The following GTSE1 variants were observed in gnomAD, a reference collection of about 807,000 sequenced individuals.
GTSE1 encodes the protein G2 and S phase-expressed protein 1.
Under a neutral mutation model 60.5 loss-of-function variants are expected in GTSE1, and 52 were observed. The observed-to-expected ratio is 0.86, with a 90% CI of 0.69 to 1.08. The LOEUF is 1.08. Among genes scored for constraint, GTSE1 ranks in the 50% least tolerant of loss-of-function variants. GTSE1 has a pLI of 0.00. For synonymous variants in GTSE1, 368 were observed against 386.5 expected (o/e 0.95, Z 0.56); for missense variants, 937 against 961.8 (o/e 0.97, Z 0.34).
Position 46,321,774 on chromosome 22 carries a change from A to C in GTSE1, c.1433-1416A>C, listed in dbSNP as rs765500077. On this transcript the variant is annotated intron_variant, in intron 7 of 11. Coordinates refer to ENST00000454366, the MANE Select transcript of GTSE1 (RefSeq NM_016426.7). The surrounding 1 kb of genome is among the most constrained non-coding windows in gnomAD (Gnocchi z 4.0). ...TGCATGAGTCACTTTGATAGAGGTG[A>C]TTTTTAAAAGAATAGGAGAGGCTGG... is the stretch of plus-strand genomic sequence containing the variant. Among the ~76,000 whole-genome samples the C allele has an allele frequency of 4.0e-4, 61 of 152,210 alleles. 1 individual carries two copies. In the Middle Eastern group the frequency reaches 0.027, roughly 68 times the overall value.
intron 4 of GTSE1, among the ~76,000 whole-genome samples, chr22:46,311,403 C>A (rs1464005030): frequency 6.6e-6 from 1 of 152,060 alleles, no homozygotes; most frequent in Non-Finnish European, 1.5e-5. Context: ...TTTGGGACAC[C>A]ACTATATTTT....
In GTSE1 at chr22:46,316,668, T is replaced by TA. The variant is rs2077783015; in HGVS notation, c.1432+257dup. ...GCTTGTAAGGTTTTCTCTTTAGTGTTACTGTCGGGAATTTGATTATTATGT... is the reference window on the plus strand; with the variant it reads ...GCTTGTAAGGTTTTCTCTTTAGTGTTAACTGTCGGGAATTTGATTATTATGT... On this transcript the variant is annotated intron_variant, in intron 7 of 11. Coordinates refer to ENST00000454366, the MANE Select transcript of GTSE1 (RefSeq NM_016426.7). The surrounding 1 kb of genome is among the most constrained non-coding windows in gnomAD (Gnocchi z 5.0). Among the ~76,000 whole-genome samples, 1 of 152,180 alleles carries TA rather than the reference T, an allele frequency of 6.6e-6. No homozygotes were observed. Among genetic ancestry groups the TA allele is most frequent in the Non-Finnish European group, 1.5e-5 (1 of 68,036 alleles).
At chr22:46,298,734 C>T (rs2077672330) in intron 2 of GTSE1, among the ~76,000 whole-genome samples, 2 of 152,230 alleles carry the variant, frequency 1.3e-5, no homozygotes, top group African/African-American at 4.8e-5. Flanking sequence ...CATGTCCTTC[C>T]TTTCAAATAT....
rs1335831666 is a variant in GTSE1 at position 46,304,986 on chromosome 22, GA to G, written c.80-3159del. ...AGAGCGAGACCCTGTCTCAAAAAAA[GA>G]AAAAGGATTATTATGCTGATGTAAG... On this transcript the variant is annotated intron_variant, in intron 2 of 11. Coordinates refer to ENST00000454366, the MANE Select transcript of GTSE1 (RefSeq NM_016426.7). This position sits in a 1 kb window ranked among gnomAD's most constrained non-coding sequence, Gnocchi z 4.4. Among the ~76,000 whole-genome samples, 2 of 152,030 alleles carry G rather than the reference GA, an allele frequency of 1.3e-5. No individual in the cohort carries two copies. The highest frequency in any genetic ancestry group is 4.8e-5 in the African/African-American group (2 of 41,392).
chr22:46,327,262 T>G (rs1430142191), intron 9 of GTSE1: 1 of 151,944 alleles, frequency 6.6e-6, no homozygotes, highest in African/African-American at 2.4e-5. Context: ...CCAGAACACA[T>G]GAAGTAAGCC....
At position 46,310,095 on chromosome 22, in the gene GTSE1, G is replaced by A. The variant is rs139548565; in HGVS notation, c.762+1152G>A. ...CTGAGATGCACTCATGCACACGTGG[G>A]AGCCCCACCATGTCCTGCATGTTTC... On this transcript the variant is annotated intron_variant, in intron 4 of 11. Transcript: ENST00000454366. This position sits in a 1 kb window ranked among gnomAD's most constrained non-coding sequence, Gnocchi z 4.4. 2.0e-4 allele frequency among the ~76,000 whole-genome samples: 31 copies of A among 152,350 alleles called. No homozygotes were observed. The East Asian group carries it at 5.8e-3, about 28-fold the overall frequency.
Position 46,309,095 on chromosome 22 carries a change from A to G in GTSE1, c.762+152A>G. The stretch of plus-strand genomic sequence containing the variant: ...CGGAGTCCAGGAAAAGCAGTTGCCA[A>G]TAGGGAGCTGATGTGGGGGTGGCTT... On this transcript the variant is annotated intron_variant, in intron 4 of 11. Transcript: ENST00000454366. This position sits in a 1 kb window ranked among gnomAD's most constrained non-coding sequence, Gnocchi z 6.2. 1.2e-6 allele frequency: 1 copy of G among 843,998 alleles called. No individual in the cohort carries two copies. Among genetic ancestry groups the G allele is most frequent in the Non-Finnish European group, 1.8e-6 (1 of 560,418 alleles). The allele number at this position is 843,998 out of a possible 1,614,324, so 52.3% of individuals were successfully genotyped here. A position where few individuals can be genotyped will look rare whatever the true frequency, so the allele number is the denominator to read the frequency against.
At position 46,316,925 on chromosome 22, in the gene GTSE1, CTTTTTCTTATCT is replaced by C. The variant is rs1177507677; in HGVS notation, c.1432+522_1432+533del. Reference sequence around the variant, plus strand: ...TCTTTTTTTTATTTCAGCCTTTTTTCTTTTTCTTATCTTTTTTCTTTTCTTTCTTTCTTTTTT... The same window carrying C: ...TCTTTTTTTTATTTCAGCCTTTTTTCTTTTTCTTTTCTTTCTTTCTTTTTT... On this transcript the variant is annotated intron_variant, in intron 7 of 11. Coordinates refer to ENST00000454366, the MANE Select transcript of GTSE1 (RefSeq NM_016426.7). This position sits in a 1 kb window ranked among gnomAD's most constrained non-coding sequence, Gnocchi z 5.0. Among the ~76,000 whole-genome samples the C allele has an allele frequency of 6.6e-6, 1 of 151,658 alleles. No homozygotes were observed. The highest frequency in any genetic ancestry group is 1.9e-4 in the East Asian group (1 of 5,174).
chr22:46,319,425 C>T lies in GTSE1; in HGVS notation c.1432+3013C>T, dbSNP rs58718533. 2.2e-3 allele frequency among the ~76,000 whole-genome samples: 342 copies of T among 152,250 alleles called. 2 individuals are homozygous for T. The highest frequency in any genetic ancestry group is 8.0e-3 in the African/African-American group (331 of 41,548). ...GGCTGGAGCGCTGCGGTCTGCCTGA[C>T]GTTCTGGTAGCTTAGGGCTCATGTG... On this transcript the variant is annotated intron_variant, in intron 7 of 11. Coordinates refer to ENST00000454366, the MANE Select transcript of GTSE1 (RefSeq NM_016426.7). The surrounding 1 kb of genome is among the most constrained non-coding windows in gnomAD (Gnocchi z 5.0).
Position 46,329,157 on chromosome 22 carries a change from A to G in GTSE1, c.1927-201A>G. Reference sequence around the variant, plus strand: ...TGGCAGGAGCTGGTGGCTGCTGGTGAGCGGGTATGGACAGGGAGGTGGGCA... The same window carrying G: ...TGGCAGGAGCTGGTGGCTGCTGGTGGGCGGGTATGGACAGGGAGGTGGGCA... On this transcript the variant is annotated intron_variant, in intron 10 of 11. Coordinates refer to ENST00000454366, the MANE Select transcript of GTSE1 (RefSeq NM_016426.7). The surrounding 1 kb of genome is among the most constrained non-coding windows in gnomAD (Gnocchi z 6.4). 1 of 638,952 alleles carries G rather than the reference A, an allele frequency of 1.6e-6. No individual in the cohort carries two copies. The highest frequency in any genetic ancestry group is 2.8e-6 in the Non-Finnish European group (1 of 361,728). The allele number at this position is 638,952 out of a possible 1,614,324, so 39.6% of individuals were successfully genotyped here.
rs2077868820 is a variant in GTSE1, at chr22:46,330,252, G to A, written c.*122G>A. 19 of 661,986 alleles carry A rather than the reference G, an allele frequency of 2.9e-5. No homozygotes were observed. The South Asian group carries it at 3.1e-4, about 11-fold the overall frequency. 41.0% of individuals were successfully genotyped at this position (661,986 alleles called of 1,614,324 possible). The stretch of plus-strand genomic sequence containing the variant: ...ACCCTAGAACTTGGGAGGCTGAGGT[G>A]GGCGGATTACTTGAGCCCAGGAGTT... On this transcript the variant is annotated 3_prime_UTR_variant, in exon 12 of 12. Coordinates refer to ENST00000454366, the MANE Select transcript of GTSE1 (RefSeq NM_016426.7). The surrounding 1 kb of genome is among the most constrained non-coding windows in gnomAD (Gnocchi z 6.0).
rs1005231632 is a variant in GTSE1, at chr22:46,309,444, G to A, written c.762+501G>A. Among the ~76,000 whole-genome samples the A allele has an allele frequency of 2.6e-5, 4 of 152,148 alleles. No individual in the cohort carries two copies. Among genetic ancestry groups the A allele is most frequent in the East Asian group, 1.9e-4 (1 of 5,176 alleles). ...TGGGGGAAAGCTGGGTGTGAGCACA[G>A]GACTTGCTGCCAGGGCTGCCCGATC... On this transcript the variant is annotated intron_variant, in intron 4 of 11. Coordinates refer to ENST00000454366, the MANE Select transcript of GTSE1 (RefSeq NM_016426.7). This position sits in a 1 kb window ranked among gnomAD's most constrained non-coding sequence, Gnocchi z 6.2.
At position 46,297,609 on chromosome 22, in the gene GTSE1, C is replaced by T; in HGVS notation, c.79+130C>T. The T allele has an allele frequency of 1.5e-6, 1 of 656,054 alleles. No individual in the cohort carries two copies. Among genetic ancestry groups the T allele is most frequent in the Non-Finnish European group, 2.7e-6 (1 of 374,780 alleles). 40.6% of individuals were successfully genotyped at this position (656,054 alleles called of 1,614,324 possible). A position where few individuals can be genotyped will look rare whatever the true frequency, so the allele number is the denominator to read the frequency against. On this transcript the variant is annotated intron_variant, in intron 2 of 11. Transcript: ENST00000454366. The surrounding 1 kb of genome is among the most constrained non-coding windows in gnomAD (Gnocchi z 4.9). ...TACTCTGCACCTGTGAAACACATGACATCTGCCTTCGTTTTCTGGTTTTCT... is the reference window on the plus strand; with the variant it reads ...TACTCTGCACCTGTGAAACACATGATATCTGCCTTCGTTTTCTGGTTTTCT...
At position 46,320,020 on chromosome 22, in the gene GTSE1, C is replaced by G. The variant is rs950802299; in HGVS notation, c.1433-3170C>G. ...AAGAAAGAAAGAAAGAAAAGAAATG[C>G]GAGCTGTGATTGGGTGGGTTCTGCA... On this transcript the variant is annotated intron_variant, in intron 7 of 11. Coordinates refer to ENST00000454366, the MANE Select transcript of GTSE1 (RefSeq NM_016426.7). This position sits in a 1 kb window ranked among gnomAD's most constrained non-coding sequence, Gnocchi z 7.1. Among the ~76,000 whole-genome samples the G allele has an allele frequency of 2.6e-5, 4 of 151,436 alleles. No homozygotes were observed. Among genetic ancestry groups the G allele is most frequent in the Admixed American group, 2.6e-4 (4 of 15,206 alleles).
rs571612947 is a variant in GTSE1, at chr22:46,297,764, G to A, written c.79+285G>A. ...CTCAAATATTTATTGTATTGAATTC[G>A]ATGTTTTCTTTTTTGTTTGTCGCTG... is the stretch of plus-strand genomic sequence containing the variant. On this transcript the variant is annotated intron_variant, in intron 2 of 11. Transcript: ENST00000454366. This position sits in a 1 kb window ranked among gnomAD's most constrained non-coding sequence, Gnocchi z 4.9. Among the ~76,000 whole-genome samples the A allele has an allele frequency of 1.3e-5, 2 of 152,170 alleles. No homozygotes were observed. Among genetic ancestry groups the A allele is most frequent in the African/African-American group, 4.8e-5 (2 of 41,506 alleles).
Position 46,297,288 on chromosome 22 carries a change from G to T in GTSE1, c.-21-92G>T, listed in dbSNP as rs577292119. On this transcript the variant is annotated intron_variant, in intron 1 of 11. Coordinates refer to ENST00000454366, the MANE Select transcript of GTSE1 (RefSeq NM_016426.7). The surrounding 1 kb of genome is among the most constrained non-coding windows in gnomAD (Gnocchi z 4.9). ...CTCCCAGACCTGGCCGCGGCCTTCA[G>T]CTCTCTCTGCCTCTGTGAGCCGAGG... 1 of 805,430 alleles carries T rather than the reference G, an allele frequency of 1.2e-6. No individual in the cohort carries two copies. The highest frequency in any genetic ancestry group is 1.7e-5 in the African/African-American group (1 of 59,334). The allele number at this position is 805,430 out of a possible 1,614,324, so 49.9% of individuals were successfully genotyped here.
rs1601919908 is a variant in GTSE1, at chr22:46,329,254, T to C, written c.1927-104T>C. 1.0e-6 allele frequency: 1 copy of C among 987,038 alleles called. No individual in the cohort carries two copies. The highest frequency in any genetic ancestry group is 1.7e-5 in the Admixed American group (1 of 58,682). 61.1% of individuals were successfully genotyped at this position (987,038 alleles called of 1,614,324 possible). ...AAGGCCCCGCCTGATTCCTTGGCTT[T>C]CCAAACCGCCAGCCCACCTGGAACA... is the stretch of plus-strand genomic sequence containing the variant. On this transcript the variant is annotated intron_variant, in intron 10 of 11. Transcript: ENST00000454366. The surrounding 1 kb of genome is among the most constrained non-coding windows in gnomAD (Gnocchi z 6.4).
At position 46,326,489 on chromosome 22, in the gene GTSE1, G is replaced by C. The variant is rs945340076; in HGVS notation, c.1559G>C (p.Ser520Thr). The change falls in exon 9 of 12, where the codon AGC becomes ACC. Residue 520 changes from serine to threonine, a missense_variant. Transcript: ENST00000454366. ...CGCTCATCTGGGCCAGCACCACAAAGCCTGCTGAGCGCATGGCGTGTGTCA... is the reference window on the plus strand; with the variant it reads ...CGCTCATCTGGGCCAGCACCACAAACCCTGCTGAGCGCATGGCGTGTGTCA... Reference protein sequence around the residue: ...VRRSSGPAPQSLLSAWRVSAL... With the variant: ...VRRSSGPAPQTLLSAWRVSAL... 2 of 1,613,904 alleles carry C rather than the reference G, an allele frequency of 1.2e-6. No homozygotes were observed. Among genetic ancestry groups the C allele is most frequent in the South Asian group, 1.1e-5 (1 of 91,046 alleles).
Position 46,318,920 on chromosome 22 carries a change from G to T in GTSE1, c.1432+2508G>T, listed in dbSNP as rs1348396596. Among the ~76,000 whole-genome samples, 2,761 of 152,242 alleles carry T rather than the reference G, an allele frequency of 0.018. 90 individuals are homozygous for T. Among genetic ancestry groups the T allele is most frequent in the African/African-American group, 0.062 (2,588 of 41,510 alleles). On this transcript the variant is annotated intron_variant, in intron 7 of 11. Coordinates refer to ENST00000454366, the MANE Select transcript of GTSE1 (RefSeq NM_016426.7). The surrounding 1 kb of genome is among the most constrained non-coding windows in gnomAD (Gnocchi z 4.8). ...CCGGCTCTGGCCCTCATACCTCCCG[G>T]CAGGAAGCCTTCTTCTAGGTGAAGA... is the stretch of plus-strand genomic sequence containing the variant.
Sources: allele counts gnomAD v4.1 joint callset (sites outside exome capture counted in the v4.1 genomes callset), GRCh38; gene constraint gnomAD v4.1.1; non-coding constraint Gnocchi (gnomAD v3.1); transcripts MANE v1.5; gene names NCBI Gene and HGNC (gene_info 2026-07-23, HGNC 2026-07-21).